Variants in ZNF385B observed in about 807,000 individuals in gnomAD.
The protein encoded by ZNF385B is zinc finger protein 385B.
Under a neutral mutation model 39.2 loss-of-function variants are expected in ZNF385B, and 23 were observed. The observed-to-expected ratio is 0.59, with a 90% CI of 0.42 to 0.83. The LOEUF (loss-of-function observed/expected upper bound fraction) is 0.83, where lower values mean the gene tolerates loss of function less well. ZNF385B is among the 40% of genes least tolerant of loss of function. ZNF385B has a pLI of 0.00. For missense variants in ZNF385B, 552 were observed against 598.9 expected (o/e 0.92, Z 0.82); for synonymous variants, 205 against 222.6 (o/e 0.92, Z 0.70).
At chr2:179,648,278 G>A (rs1451030095) in intron 3 of ZNF385B, among the ~76,000 whole-genome samples, 5 of 152,090 alleles carry the variant, frequency 3.3e-5, no homozygotes, top group African/African-American at 9.7e-5. Context: ...CAGTGGCAAC[G>A]AGAGATGGTT....
intron 5 of ZNF385B, among the ~76,000 whole-genome samples, chr2:179,493,784 C>G (rs74186513): frequency 2.3e-5 from 2 of 88,512 alleles, no homozygotes; most frequent in Admixed American, 1.1e-4. Flanking sequence ...TGTATATACA[C>G]ATATGTATAC....
At chr2:179,677,313 A>G (rs920919984) in intron 3 of ZNF385B, among the ~76,000 whole-genome samples, 1 of 152,218 alleles carries the variant, frequency 6.6e-6, no homozygotes, top group Admixed American at 6.5e-5. Flanking sequence ...GTTAATAGCT[A>G]CTTGCCAAGA....
chr2:179,802,951 C>T (rs773150548), intron 1 of ZNF385B, among the ~76,000 whole-genome samples: 22 of 152,032 alleles, frequency 1.4e-4, no homozygotes, highest in African/African-American at 3.9e-4. Flanking sequence ...ATTAAAAAAA[C>T]GCAATAGCTA....
intron 3 of ZNF385B, among the ~76,000 whole-genome samples, chr2:179,727,094 T>C (rs1190647718): frequency 6.6e-6 from 1 of 151,958 alleles, no homozygotes; most frequent in Non-Finnish European, 1.5e-5. Flanking sequence ...TAGCGATGAG[T>C]TCAGATGAGA....
intron 4 of ZNF385B, among the ~76,000 whole-genome samples, chr2:179,543,720 C>CA (rs747047434): frequency 2.0e-5 from 3 of 151,754 alleles, no homozygotes; most frequent in Non-Finnish European, 4.4e-5. Context: ...AAGACAAAAA[C>CA]ATTTAACTGT....
chr2:179,797,431 T>C (rs1224141889), intron 1 of ZNF385B, among the ~76,000 whole-genome samples: 1 of 152,198 alleles, frequency 6.6e-6, no homozygotes, highest in Non-Finnish European at 1.5e-5. Context: ...AACAATTCCT[T>C]CATAGCATCA....
chr2:179,716,462 G>C (rs1397979261), intron 3 of ZNF385B, among the ~76,000 whole-genome samples: 1 of 152,104 alleles, frequency 6.6e-6, no homozygotes, highest in African/African-American at 2.4e-5. Context: ...AAATGCTTTA[G>C]AGGCACTAAA....
rs1574462095 is a variant in ZNF385B at position 179,498,267 on chromosome 2, C to T, written c.553-14833G>A. Among the ~76,000 whole-genome samples the T allele has an allele frequency of 2.0e-5, 3 of 151,908 alleles. No homozygotes were observed. In the East Asian group the frequency reaches 5.8e-4, roughly 29 times the overall value. ...GCTGTAGAATACATATTCTTTTCCT[C>T]AACACATGGCTCATTCTCAAGAACA... is the stretch of plus-strand genomic sequence containing the variant. On this transcript the variant is annotated intron_variant, in intron 5 of 9. Transcript: ENST00000410066.
chr2:179,734,433 T>C (rs924870455), intron 3 of ZNF385B, among the ~76,000 whole-genome samples: 1 of 152,228 alleles, frequency 6.6e-6, no homozygotes, highest in African/African-American at 2.4e-5. Context: ...GCCCACATAC[T>C]AGGTAGCTCA....
chr2:179,679,336 C>A lies in ZNF385B; in HGVS notation c.298+90167G>T, dbSNP rs76456776. On this transcript the variant is annotated intron_variant, in intron 3 of 9. Coordinates refer to ENST00000410066, the MANE Select transcript of ZNF385B (RefSeq NM_152520.6). ...TTCCCACTGCAAAATCGCCTAATGA[C>A]ATATTTCACAGAATGTATCCCCATC... 2.9e-3 allele frequency among the ~76,000 whole-genome samples: 447 copies of A among 152,284 alleles called. 3 individuals carry two copies. Among genetic ancestry groups the A allele is most frequent in the African/African-American group, 0.01 (430 of 41,556 alleles).
chr2:179,795,120 C>A lies in ZNF385B; in HGVS notation c.-154-24448G>T, dbSNP rs554541935. Among the ~76,000 whole-genome samples the A allele has an allele frequency of 5.6e-4, 85 of 151,918 alleles. No homozygotes were observed. The Middle Eastern group carries it at 0.01, about 18-fold the overall frequency. ...TTTGAGTGACTTTGAAGATATAATACAAAGAGCCTGAAATCAAGGAAGCTA... is the reference window on the plus strand; with the variant it reads ...TTTGAGTGACTTTGAAGATATAATAAAAAGAGCCTGAAATCAAGGAAGCTA... On this transcript the variant is annotated intron_variant, in intron 1 of 9. Transcript: ENST00000410066.
chr2:179,502,521 C>T (rs1284897918), intron 5 of ZNF385B, among the ~76,000 whole-genome samples: 2 of 152,052 alleles, frequency 1.3e-5, no homozygotes, highest in African/African-American at 4.8e-5. Context: ...TGTAACACTT[C>T]CCCTTTCTCT....
intron 1 of ZNF385B, among the ~76,000 whole-genome samples, chr2:179,790,414 G>A (rs896066001): frequency 6.6e-6 from 1 of 152,126 alleles, no homozygotes; most frequent in Non-Finnish European, 1.5e-5. Context: ...CACCCAGTAA[G>A]CTTTTACCCA....
At chr2:179,653,335 A>T (rs1693390777) in intron 3 of ZNF385B, among the ~76,000 whole-genome samples, 1 of 152,186 alleles carries the variant, frequency 6.6e-6, no homozygotes, top group African/African-American at 2.4e-5. Flanking sequence ...ATTTCTTTTG[A>T]GTTCCTTCTG....
At chr2:179,658,940 G>A (rs1156961267) in intron 3 of ZNF385B, among the ~76,000 whole-genome samples, 2 of 152,162 alleles carry the variant, frequency 1.3e-5, no homozygotes, top group African/African-American at 4.8e-5. Context: ...ACCACAGCCA[G>A]CTAATTTTTG....
At chr2:179,650,198 G>C (rs989664633) in intron 3 of ZNF385B, among the ~76,000 whole-genome samples, 1 of 152,192 alleles carries the variant, frequency 6.6e-6, no homozygotes, top group South Asian at 2.1e-4. Flanking sequence ...ACTCAAAACA[G>C]TTCTCTAGGA....
intron 5 of ZNF385B, among the ~76,000 whole-genome samples, chr2:179,487,056 C>T (rs1318943195): frequency 6.6e-6 from 1 of 152,250 alleles, no homozygotes. Context: ...TGCCCTTTGG[C>T]TAAAGAAACA....
intron 3 of ZNF385B, among the ~76,000 whole-genome samples, chr2:179,633,874 A>C (rs1170823413): frequency 6.6e-6 from 1 of 152,214 alleles, no homozygotes; most frequent in Non-Finnish European, 1.5e-5. Context: ...AGACCAATGG[A>C]ATAGGACACA....
chr2:179,707,766 A>G (rs1357716699), intron 3 of ZNF385B, among the ~76,000 whole-genome samples: 1 of 152,238 alleles, frequency 6.6e-6, no homozygotes, highest in Non-Finnish European at 1.5e-5. Context: ...AGACAGCTAA[A>G]GGATCCACCA....
Sources: gnomAD v4.1 joint callset for allele counts (sites outside exome capture counted in the v4.1 genomes callset) on GRCh38, gnomAD v4.1.1 for gene constraint, MANE v1.5 for transcripts, NCBI Gene and HGNC (gene_info 2026-07-23, HGNC 2026-07-21) for gene names.